The following COL5A1 variants were observed in gnomAD, a reference collection of about 807,000 sequenced individuals.
The protein encoded by COL5A1 is collagen type V alpha 1 chain, also known as collagen alpha-1(V) chain.
Under a neutral mutation model 263.7 loss-of-function variants are expected in COL5A1, and 16 were observed. That is an observed-to-expected ratio of 0.06 (90% CI 0.04 to 0.09). COL5A1 has a LOEUF of 0.09. Among genes scored for constraint, COL5A1 ranks in the 10% least tolerant of loss-of-function variants. COL5A1 has a pLI of 1.00. For missense variants in COL5A1, 2,036 were observed against 2,540.5 expected (o/e 0.80, Z 4.27); for synonymous variants, 1,012 against 1,004.5 (o/e 1.01, Z -0.14).
intron 46 of COL5A1, 82 bp from the exon 47 acceptor site, chr9:134,812,367 G>T: frequency 1.4e-6 from 2 of 1,417,068 alleles, no homozygotes; most frequent in African/African-American, 1.4e-5. Flanking sequence ...GGTGCTGTGT[G>T]GGTGGAGGTC....
intron 4 of COL5A1, among the ~76,000 whole-genome samples, chr9:134,712,382 C>G (rs531860022): frequency 1.8e-4 from 20 of 109,516 alleles, no homozygotes; most frequent in African/African-American, 6.7e-4. Flanking sequence ...TCCCTCCTTC[C>G]TGTCTCTCGT....
chr9:134,759,712 ACCCCCCCACCCCCACACTC>A (rs1836204322), intron 18 of COL5A1, among the ~76,000 whole-genome samples: 1 of 55,330 alleles, frequency 1.8e-5, no homozygotes, highest in East Asian at 6.6e-4. Flanking sequence ...ACATGCACAC[ACCCCCCCACCCCCACACTC>A]ATACACACAC....
chr9:134,642,376 C>A lies in COL5A1; in HGVS notation c.109+80C>A. ...CCGCTGTCATCCCCGGGCGCCTTCG[C>A]CCGCAGAACTTTTCTTCCTTGGCCT... On this transcript the variant is annotated intron_variant, in intron 1 of 65. Coordinates refer to ENST00000371817, the MANE Select transcript of COL5A1 (RefSeq NM_000093.5). The surrounding 1 kb of genome is among the most constrained non-coding windows in gnomAD (Gnocchi z 4.5). 6.5e-6 allele frequency: 2 copies of A among 305,392 alleles called. No individual in the cohort carries two copies. The highest frequency in any genetic ancestry group is 1.1e-5 in the Non-Finnish European group (2 of 179,024). 18.9% of individuals were successfully genotyped at this position (305,392 alleles called of 1,614,324 possible).
At chr9:134,725,435 G>T (rs1834613036) in intron 4 of COL5A1, among the ~76,000 whole-genome samples, 1 of 152,114 alleles carries the variant, frequency 6.6e-6, no homozygotes, top group Admixed American at 6.5e-5. Context: ...TTACTATATT[G>T]GTCGGCTTCT....
intron 11 of COL5A1, among the ~76,000 whole-genome samples, chr9:134,744,927 G>T (rs540856030): frequency 3.3e-5 from 5 of 152,166 alleles, no homozygotes; most frequent in African/African-American, 1.2e-4. Context: ...AGGCGTGCAC[G>T]TGCACACACA....
chr9:134,778,838 A>G (rs1429088668), intron 27 of COL5A1, among the ~76,000 whole-genome samples: 1 of 152,218 alleles, frequency 6.6e-6, no homozygotes, highest in Admixed American at 6.5e-5. Context: ...GTTCAGGGCA[A>G]CCACGCCGCT....
rs1243705592 is a variant in COL5A1 at position 134,642,694 on chromosome 9, G to A, written c.109+398G>A. 6.6e-6 allele frequency among the ~76,000 whole-genome samples: 1 copy of A among 152,190 alleles called. No individual in the cohort carries two copies. The highest frequency in any genetic ancestry group is 1.5e-5 in the Non-Finnish European group (1 of 68,008). ...AACTTCCTCTGCTCCAAACCGGGCA[G>A]GGCCGCCCCCTAGAGTTACAGCCCT... On this transcript the variant is annotated intron_variant, in intron 1 of 65. Coordinates refer to ENST00000371817, the MANE Select transcript of COL5A1 (RefSeq NM_000093.5). This position sits in a 1 kb window ranked among gnomAD's most constrained non-coding sequence, Gnocchi z 4.5.
chr9:134,811,617 A>ACCACACC lies in COL5A1; in HGVS notation c.3690+19_3690+25dup. ...GGCTGCAGGTAACTGTGGGGTTCTC[A>ACCACACC]CCACACCGGGCTCCTCCGCTTCTGA... On this transcript the variant is annotated intron_variant, in intron 46 of 65. Transcript: ENST00000371817. 6.6e-7 allele frequency: 1 copy of ACCACACC among 1,521,690 alleles called. No homozygotes were observed. Among genetic ancestry groups the ACCACACC allele is most frequent in the Non-Finnish European group, 8.9e-7 (1 of 1,119,740 alleles). 94.3% of individuals were successfully genotyped at this position (1,521,690 alleles called of 1,614,324 possible).
Position 134,731,541 on chromosome 9 carries a change from T to C in COL5A1, c.1210T>C (p.Phe404Leu), listed in dbSNP as rs1052185173. ...AGGTGCGGATGACTTGGAGGGGGAG[T>C]TCACTGAGGAAACGATCCGGAACCT... ...GEGADDLEGE[F>L]TEETIRNLDE... Residue 404 changes from phenylalanine (F) to leucine (L), a missense_variant, in exon 8 of 66, where the codon TTC becomes CTC. Around this residue, in one of 3 missense-constraint regions of COL5A1, gnomAD observed 600 missense variants for 634.5 expected, o/e 0.95. Transcript: ENST00000371817. 6.2e-7 allele frequency: 1 copy of C among 1,613,628 alleles called. No homozygotes were observed. The highest frequency in any genetic ancestry group is 1.3e-5 in the African/African-American group (1 of 74,734).
At position 134,750,429 on chromosome 9, in the gene COL5A1, C is replaced by T. The variant is rs879016441; in HGVS notation, c.1495-113C>T. 94 of 918,800 alleles carry T rather than the reference C, an allele frequency of 1.0e-4. 1 individual carries two copies. The highest frequency in any genetic ancestry group is 7.8e-5 in the Non-Finnish European group (44 of 560,820). The allele number at this position is 918,800 out of a possible 1,614,324, so 56.9% of individuals were successfully genotyped here. A position where few individuals can be genotyped will look rare whatever the true frequency, so the allele number is the denominator to read the frequency against. On this transcript the variant is annotated intron_variant, in intron 11 of 65. Coordinates refer to ENST00000371817, the MANE Select transcript of COL5A1 (RefSeq NM_000093.5). ...GCCACGGGGTCTCACAGCTTCTGTG[C>T]GTGTCCAGTGCATTTCCCGGGTGGG... is the stretch of plus-strand genomic sequence containing the variant.
rs1830146616 is a variant in COL5A1, at chr9:134,842,910, T to C, written c.*607T>C. 6.3e-6 allele frequency: 1 copy of C among 157,752 alleles called. No homozygotes were observed. The highest frequency in any genetic ancestry group is 2.4e-5 in the African/African-American group (1 of 41,604). 9.8% of individuals were successfully genotyped at this position (157,752 alleles called of 1,614,324 possible). A position where few individuals can be genotyped will look rare whatever the true frequency, so the allele number is the denominator to read the frequency against. ...AATATTTGTATTGTATTGTTATAAA[T>C]GTTAAGTGTGCCTGGCTTTCAATCA... On this transcript the variant is annotated 3_prime_UTR_variant, in exon 66 of 66. Coordinates refer to ENST00000371817, the MANE Select transcript of COL5A1 (RefSeq NM_000093.5). The surrounding 1 kb of genome is among the most constrained non-coding windows in gnomAD (Gnocchi z 5.8).
At chr9:134,690,324 C>G (rs1361617318) in intron 1 of COL5A1, among the ~76,000 whole-genome samples, 1 of 152,078 alleles carries the variant, frequency 6.6e-6, no homozygotes, top group East Asian at 1.9e-4. Context: ...GGGGGATAAA[C>G]TAGGCCAGTG....
intron 44 of COL5A1, among the ~76,000 whole-genome samples, chr9:134,810,912 C>A (rs1838497350): frequency 6.6e-6 from 1 of 152,162 alleles, no homozygotes; most frequent in South Asian, 2.1e-4. Context: ...GGCACTGTAC[C>A]CTCCTTGCTT....
intron 37 of COL5A1, among the ~76,000 whole-genome samples, chr9:134,799,963 C>T (rs1188148772): frequency 6.6e-6 from 1 of 152,214 alleles, no homozygotes; most frequent in Non-Finnish European, 1.5e-5. Flanking sequence ...ACCCCGGCCA[C>T]CTCTCTAGAC....
chr9:134,717,956 G>T (rs1351750346), intron 4 of COL5A1, among the ~76,000 whole-genome samples: 1 of 152,148 alleles, frequency 6.6e-6, no homozygotes, highest in African/African-American at 2.4e-5. Context: ...TGGCAGAGGA[G>T]GCACTGAGCA....
intron 28 of COL5A1, among the ~76,000 whole-genome samples, chr9:134,782,335 C>T (rs552825646): frequency 7.2e-5 from 11 of 152,356 alleles, no homozygotes; most frequent in East Asian, 5.8e-4. Flanking sequence ...GCTGATGGGA[C>T]GCCACAGAGT....
chr9:134,730,823 C>T (rs1443982645), intron 7 of COL5A1, among the ~76,000 whole-genome samples: 1 of 152,152 alleles, frequency 6.6e-6, no homozygotes, highest in Non-Finnish European at 1.5e-5. Context: ...AGAGTCCCTG[C>T]CTGTGGCCTG....
At position 134,731,699 on chromosome 9, in the gene COL5A1, G is replaced by C. The variant is rs748769228; in HGVS notation, c.1332+36G>C. 6 of 1,585,070 alleles carry C rather than the reference G, an allele frequency of 3.8e-6. No homozygotes were observed. In the Admixed American group the frequency reaches 5.1e-5, roughly 13 times the overall value. ...GCAGGCCCCCGTTCCGGGTGGGGTT[G>C]GGGGGCTGGTGGGGCATCATGGGGG... On this transcript the variant is annotated intron_variant, in intron 8 of 65. Coordinates refer to ENST00000371817, the MANE Select transcript of COL5A1 (RefSeq NM_000093.5).
intron 18 of COL5A1, among the ~76,000 whole-genome samples, chr9:134,760,208 C>A (rs1355019014): frequency 2.5e-5 from 3 of 119,980 alleles, no homozygotes; most frequent in Non-Finnish European, 5.3e-5. Flanking sequence ...CACACTCATA[C>A]ACACATGCAC....
Sources: allele counts gnomAD v4.1 joint callset (sites outside exome capture counted in the v4.1 genomes callset), GRCh38; gene constraint gnomAD v4.1.1; regional missense constraint gnomAD v4.1.1; non-coding constraint Gnocchi (gnomAD v3.1); transcripts MANE v1.5; gene names NCBI Gene and HGNC (gene_info 2026-07-23, HGNC 2026-07-21).